The following HDGF variants were observed in gnomAD, a reference collection of about 807,000 sequenced individuals.
HDGF encodes heparin binding growth factor.
A neutral mutation model predicts 30.0 loss-of-function variants in HDGF; 5 were observed. That is an observed-to-expected ratio of 0.17 (90% CI 0.09 to 0.35). The LOEUF is 0.35. Among genes scored for constraint, HDGF ranks in the 10% least tolerant of loss-of-function variants. The pLI is 1.00. For missense variants in HDGF, 214 were observed against 302.8 expected (o/e 0.71, Z 2.18); for synonymous variants, 133 against 112.7 (o/e 1.18, Z -1.14).
At chr1:156,765,416 TCTTTCTTTCTCTTTCTTTCTTTC>T (rs1325309422) in intron 1 of HDGF, among the ~76,000 whole-genome samples, 2 of 142,904 alleles carry the variant, frequency 1.4e-5, no homozygotes, top group African/African-American at 2.5e-5. Context: ...TTTCTTTCTT[TCTTTCTTTCTCTTTCTTTCTTTC>T]CTTTCTTTCC....
chr1:156,755,910 T>C (rs1341361981), upstream of HDGF, among the ~76,000 whole-genome samples: 2 of 152,204 alleles, frequency 1.3e-5, no homozygotes, highest in Non-Finnish European at 2.9e-5. Flanking sequence ...CTCAGTTTCA[T>C]GTCCAGAAAA....
intron 2 of HDGF, among the ~76,000 whole-genome samples, chr1:156,758,600 A>AAAAAAAAC (rs1553251110): frequency 9.5e-6 from 1 of 105,128 alleles, no homozygotes; most frequent in African/African-American, 3.1e-5. Flanking sequence ...CTCAAAAAAA[A>AAAAAAAAC]AAATAAATAA....
intron 1 of HDGF, among the ~76,000 whole-genome samples, chr1:156,750,892 T>C (rs1650921891): frequency 6.6e-6 from 1 of 151,142 alleles, no homozygotes; most frequent in Admixed American, 6.6e-5. Flanking sequence ...AGAGAAGAGT[T>C]TGAATTAGGG....
At chr1:156,743,508 C>A in intron 5 of HDGF, 53 bp from the exon 6 acceptor site, 1 of 1,580,062 alleles carries the variant, frequency 6.3e-7, no homozygotes, top group South Asian at 1.2e-5. Flanking sequence ...CTTGGCCTGG[C>A]CTTGCCCCAG....
At chr1:156,753,667 C>T (rs1651091848), upstream of HDGF, among the ~76,000 whole-genome samples, 1 of 152,144 alleles carries the variant, frequency 6.6e-6, no homozygotes, top group Non-Finnish European at 1.5e-5. Context: ...TCTCCTGCCT[C>T]AGCCTCCTGA....
At chr1:156,754,846 G>A (rs1489885325), upstream of HDGF, among the ~76,000 whole-genome samples, 1 of 152,212 alleles carries the variant, frequency 6.6e-6, no homozygotes, top group African/African-American at 2.4e-5. Flanking sequence ...TACTTGGGAG[G>A]CTGAGGCAGG....
At chr1:156,755,800 G>A (rs563396445), upstream of HDGF, 1 of 152,216 alleles carries the variant, frequency 6.6e-6, no homozygotes, top group South Asian at 2.1e-4. Context: ...TGGAGTCAGA[G>A]TGGTTGAGAA....
chr1:156,765,661 G>A (rs772910382), intron 1 of HDGF, among the ~76,000 whole-genome samples: 1 of 151,574 alleles, frequency 6.6e-6, no homozygotes, highest in Non-Finnish European at 1.5e-5. Flanking sequence ...TTTTAGTAGA[G>A]ACGGGGTTTC....
upstream of HDGF, among the ~76,000 whole-genome samples, chr1:156,753,618 T>G (rs1370256156): frequency 3.3e-5 from 5 of 152,190 alleles, no homozygotes; most frequent in Non-Finnish European, 7.3e-5. Context: ...GTGGCCAATC[T>G]CGGCTCACTG....
chr1:156,761,949 A>T (rs1178281962), intron 1 of HDGF, among the ~76,000 whole-genome samples: 2 of 139,558 alleles, frequency 1.4e-5, no homozygotes, highest in African/African-American at 5.1e-5. Context: ...CAAAAAAAAA[A>T]AAATTAATTA....
At chr1:156,756,677 G>C (rs1651157494), upstream of HDGF, among the ~76,000 whole-genome samples, 3 of 152,006 alleles carry the variant, frequency 2.0e-5, no homozygotes, top group African/African-American at 7.3e-5. Context: ...CCATCTGTTA[G>C]CTATTAGCTG....
rs1361542731 is a variant in HDGF at position 156,743,718 on chromosome 1, T to C, written c.650A>G (p.Glu217Gly). The C allele has an allele frequency of 1.2e-6, 2 of 1,605,558 alleles. No individual in the cohort carries two copies. Among genetic ancestry groups the C allele is most frequent in the Non-Finnish European group, 1.7e-6 (2 of 1,176,002 alleles). ...GRGPPQEEEE[E>G]EDEEEEATKE... ...GGTAGCCTCTTCCTCTTCATCCTCC[T>C]CCTCTTCTTCCTCTTGGGGAGGCCC... The change falls in exon 5 of 6, where the codon GAG (glutamate) becomes GGG (glycine). Residue 217 changes from glutamate (E) to glycine (G), a missense_variant. Physicochemically the swap from Glu to Gly is moderately conservative, Grantham distance 98. Around this residue, in one of 2 missense-constraint regions of HDGF, gnomAD observed 176 missense variants for 211.7 expected, o/e 0.83. Transcript: ENST00000357325.
At chr1:156,758,608 T>TAAATAAAGAA (rs1553251127) in intron 2 of HDGF, among the ~76,000 whole-genome samples, 1 of 92,016 alleles carries the variant, frequency 1.1e-5, no homozygotes, top group Non-Finnish European at 2.2e-5. Flanking sequence ...AAAAAATAAA[T>TAAATAAAGAA]AAATAAATAA....
chr1:156,765,008 T>C (rs770041200), intron 1 of HDGF, among the ~76,000 whole-genome samples: 18 of 151,968 alleles, frequency 1.2e-4, no homozygotes, highest in Admixed American at 2.0e-4. Context: ...CTCTTAGTTC[T>C]AAGGCATTTC....
At chr1:156,763,400 G>A (rs991283283) in intron 1 of HDGF, among the ~76,000 whole-genome samples, 9 of 150,986 alleles carry the variant, frequency 6.0e-5, no homozygotes. Context: ...ATTTTTAGTA[G>A]AGACAGGGTT....
intron 1 of HDGF, among the ~76,000 whole-genome samples, chr1:156,759,402 A>T (rs565714044): frequency 8.5e-4 from 129 of 152,066 alleles, no homozygotes; most frequent in African/African-American, 3.0e-3. Context: ...CACACCGTAT[A>T]CACTTTGCTC....
At chr1:156,752,411 C>T (rs1187744403), upstream of HDGF, 1 of 1,503,686 alleles carries the variant, frequency 6.7e-7, no homozygotes, top group Admixed American at 2.0e-5. Context: ...GACTTGGACT[C>T]AACGGCTAGC....
intron 1 of HDGF, among the ~76,000 whole-genome samples, chr1:156,747,113 CGCTGGGTGTGAGAGCAGGGGGT>C (rs1377941216): frequency 2.6e-5 from 4 of 151,700 alleles, no homozygotes; most frequent in Admixed American, 2.6e-4. Context: ...AACCAGGAGA[CGCTGGGTGTGAGAGCAGGGGGT>C]GGAAAGGCAC....
At chr1:156,752,219 C>T, upstream of HDGF, 1 of 1,551,788 alleles carries the variant, frequency 6.4e-7, no homozygotes, top group South Asian at 1.2e-5. Context: ...CTGGACCTCG[C>T]CGTGCTTACC....
Sources: allele counts gnomAD v4.1 joint callset (sites outside exome capture counted in the v4.1 genomes callset), GRCh38; gene constraint gnomAD v4.1.1; regional missense constraint gnomAD v4.1.1; transcripts MANE v1.5; gene names NCBI Gene and HGNC (gene_info 2026-07-23, HGNC 2026-07-21).